Variants in PRRC2B observed in about 807,000 individuals in gnomAD.
PRRC2B encodes the protein protein PRRC2B.
In PRRC2B, 68 loss-of-function variants were observed where a neutral mutation model predicts 242.3. The observed-to-expected ratio is 0.28, with a 90% confidence interval of 0.23 to 0.34. The LOEUF is 0.34. PRRC2B is among the 10% of genes least tolerant of loss of function. The pLI is 1.00. For missense variants in PRRC2B, 2,835 were observed against 2,954.8 expected (o/e 0.96, Z 0.94); for synonymous variants, 1,228 against 1,173.6 (o/e 1.05, Z -0.95).
chr9:131,484,930 C>G lies in PRRC2B; in HGVS notation c.5566-18C>G, dbSNP rs545863294. On this transcript the variant is annotated intron_variant, in intron 24 of 31. Coordinates refer to ENST00000683519, the MANE Select transcript of PRRC2B (RefSeq NM_013318.4). ...GTGATAGTAATTTTCATCCCTCCCC[C>G]TCCCCTTGCTTCTGAAGATGGAGTC... is the stretch of plus-strand genomic sequence containing the variant. 3.6e-5 allele frequency: 57 copies of G among 1,599,258 alleles called. No individual in the cohort carries two copies. The Admixed American group carries it at 4.9e-4, about 14-fold the overall frequency.
At chr9:131,463,824 G>C (rs1490775323) in intron 11 of PRRC2B, among the ~76,000 whole-genome samples, 1 of 151,622 alleles carries the variant, frequency 6.6e-6, no homozygotes, top group Non-Finnish European at 1.5e-5. Context: ...GTAAATACGG[G>C]GTCTCACCAT....
intron 1 of PRRC2B, among the ~76,000 whole-genome samples, chr9:131,376,811 A>C (rs1836691428): frequency 6.6e-6 from 1 of 152,154 alleles, no homozygotes. Context: ...GTTTGAGACC[A>C]GTCTGGGGAA....
intron 1 of PRRC2B, among the ~76,000 whole-genome samples, chr9:131,377,543 G>A (rs966513929): frequency 6.6e-6 from 1 of 151,880 alleles, no homozygotes; most frequent in Admixed American, 6.6e-5. Flanking sequence ...ATTTAAATGT[G>A]TGCATGCCTC....
intron 1 of PRRC2B, among the ~76,000 whole-genome samples, chr9:131,416,371 G>A (rs1034341892): frequency 1.3e-5 from 2 of 152,142 alleles, no homozygotes; most frequent in Non-Finnish European, 2.9e-5. Flanking sequence ...CTCCCAAAGT[G>A]TTGGGATTAA....
In PRRC2B at chr9:131,485,206, C is replaced by T. The variant is rs1211929636; in HGVS notation, c.5758+66C>T. 1.1e-5 allele frequency: 15 copies of T among 1,330,612 alleles called. No homozygotes were observed. In the Admixed American group the frequency reaches 2.6e-4, roughly 23 times the overall value. 82.4% of individuals were successfully genotyped at this position (1,330,612 alleles called of 1,614,324 possible). A position where few individuals can be genotyped will look rare whatever the true frequency, so the allele number is the denominator to read the frequency against. Reference sequence around the variant, plus strand: ...TTTATTATCAAGAAAAACGGATTAACAGCCCCGAATGTCACCTCCTGGCCT... The same window carrying T: ...TTTATTATCAAGAAAAACGGATTAATAGCCCCGAATGTCACCTCCTGGCCT... On this transcript the variant is annotated intron_variant, in intron 25 of 31. Coordinates refer to ENST00000683519, the MANE Select transcript of PRRC2B (RefSeq NM_013318.4).
chr9:131,437,234 G>T (rs939276260), intron 4 of PRRC2B, among the ~76,000 whole-genome samples: 2 of 152,244 alleles, frequency 1.3e-5, no homozygotes, highest in African/African-American at 4.8e-5. Context: ...ATAATGGGCA[G>T]CAGTCCCTGA....
intron 10 of PRRC2B, among the ~76,000 whole-genome samples, chr9:131,458,760 C>T (rs1275453066): frequency 6.6e-6 from 1 of 152,200 alleles, no homozygotes. Context: ...GCCTCAGCCT[C>T]CCAAAGTGCT....
intron 1 of PRRC2B, among the ~76,000 whole-genome samples, chr9:131,409,487 A>C: frequency 6.6e-6 from 1 of 152,244 alleles, no homozygotes; most frequent in East Asian, 1.9e-4. Flanking sequence ...CCCTGGCCAC[A>C]TTAGTATCTT....
Position 131,482,874 on chromosome 9 carries a change from T to A in PRRC2B, c.5340T>A (p.Pro1780=). The change falls in exon 22 of 32, where the codon CCT becomes CCA. Residue 1780 remains proline (P), a synonymous_variant. Coordinates refer to ENST00000683519, the MANE Select transcript of PRRC2B (RefSeq NM_013318.4). This position sits in a 1 kb window ranked among gnomAD's most constrained non-coding sequence, Gnocchi z 5.2. ...GVEIHVDSVL[P]VPPIEFGVSP... ...AGATTCACGTGGACTCCGTGCTGCCTGTGCCACCCATTGAATTTGGAGTCA... is the reference window on the plus strand; with the variant it reads ...AGATTCACGTGGACTCCGTGCTGCCAGTGCCACCCATTGAATTTGGAGTCA... The A allele has an allele frequency of 6.2e-7, 1 of 1,608,332 alleles. No individual in the cohort carries two copies.
intron 1 of PRRC2B, among the ~76,000 whole-genome samples, chr9:131,418,676 GA>G (rs1837722879): frequency 6.6e-6 from 1 of 152,244 alleles, no homozygotes; most frequent in Admixed American, 6.5e-5. Flanking sequence ...GCAAGCCAGG[GA>G]CAGCTGCAGC....
At chr9:131,451,073 T>G (rs947123600) in intron 9 of PRRC2B, among the ~76,000 whole-genome samples, 13 of 152,216 alleles carry the variant, frequency 8.5e-5, no homozygotes, top group Non-Finnish European at 1.3e-4. Flanking sequence ...AAGAACAATT[T>G]CATTTTTTAA....
chr9:131,444,908 G>A (rs1445682473), intron 6 of PRRC2B, among the ~76,000 whole-genome samples: 1 of 152,194 alleles, frequency 6.6e-6, no homozygotes, highest in Non-Finnish European at 1.5e-5. Context: ...GTGGCTGGAG[G>A]TTAAGGTGGT....
At chr9:131,480,913 A>G (rs751356347) in intron 19 of PRRC2B, among the ~76,000 whole-genome samples, 6 of 152,134 alleles carry the variant, frequency 3.9e-5, no homozygotes, top group East Asian at 3.9e-4. Flanking sequence ...GCTCACACCT[A>G]TAATCCCAGC....
At chr9:131,437,858 A>T (rs900701734) in intron 4 of PRRC2B, among the ~76,000 whole-genome samples, 1 of 152,220 alleles carries the variant, frequency 6.6e-6, no homozygotes, top group African/African-American at 2.4e-5. Context: ...GAGGTGATAG[A>T]GCTGAGAGAT....
At chr9:131,478,643 C>CA in intron 18 of PRRC2B, 24 bp downstream of exon 18, 8 of 980,700 alleles carry the variant, frequency 8.2e-6, no homozygotes, top group Non-Finnish European at 7.0e-6. Context: ...GGTGGGGGGG[C>CA]ATGGGGCTGG....
At chr9:131,391,838 T>A (rs1034399612), upstream of PRRC2B, among the ~76,000 whole-genome samples, 3 of 152,050 alleles carry the variant, frequency 2.0e-5, no homozygotes, top group Non-Finnish European at 4.4e-5. Context: ...CCTCCTGGGT[T>A]CAAGTGATTC....
At chr9:131,453,198 T>C (rs1942974284) in intron 9 of PRRC2B, among the ~76,000 whole-genome samples, 1 of 152,252 alleles carries the variant, frequency 6.6e-6, no homozygotes, top group African/African-American at 2.4e-5. Context: ...GCAGTCTGTT[T>C]TGTCCTGTGT....
In PRRC2B at chr9:131,475,334, C is replaced by G; in HGVS notation, c.3205C>G (p.Arg1069Gly). 4 of 1,592,290 alleles carry G rather than the reference C, an allele frequency of 2.5e-6. No homozygotes were observed. The highest frequency in any genetic ancestry group is 3.4e-6 in the Non-Finnish European group (4 of 1,170,052). Residue 1069 changes from arginine (R) to glycine (G), a missense_variant, in exon 16 of 32, where the codon CGT (arginine) becomes GGT (glycine). Physicochemically the swap from Arg to Gly is moderately radical, Grantham distance 125 (BLOSUM62 -2). Around this residue, in one of 7 missense-constraint regions of PRRC2B, gnomAD observed 1,536 missense variants for 1,483.1 expected, o/e 1.04. Transcript: ENST00000683519. ...CAGAGGACAGGCCCGGGGCCGGGGC[C>G]GTGGTTTCAGAGAGTTCACTTTTCG... ...GVRGQARGRG[R>G]GFREFTFRGR...
chr9:131,458,308 C>G (rs1018492491), intron 10 of PRRC2B, among the ~76,000 whole-genome samples: 25 of 152,074 alleles, frequency 1.6e-4, no homozygotes, highest in Non-Finnish European at 5.9e-5. Context: ...GTGAGCTCCT[C>G]CCTGTGAGGG....
Sources: gnomAD v4.1 joint callset for allele counts (sites outside exome capture counted in the v4.1 genomes callset) on GRCh38, gnomAD v4.1.1 for gene constraint, gnomAD v4.1.1 regional missense constraint, Gnocchi (gnomAD v3.1) non-coding constraint, MANE v1.5 for transcripts, NCBI Gene and HGNC (gene_info 2026-07-23, HGNC 2026-07-21) for gene names.